Variants in CYB5A observed in about 807,000 individuals in gnomAD.
CYB5A encodes the protein cytochrome b5 type A, also known as cytochrome b5.
In CYB5A, 10 loss-of-function variants were observed where a neutral mutation model predicts 16.2. The observed-to-expected ratio is 0.62, with a 90% CI of 0.38 to 1.04. CYB5A has a LOEUF of 1.04. Among genes scored for constraint, CYB5A ranks in the 50% least tolerant of loss-of-function variants. The pLI is 0.01. For missense variants in CYB5A, 161 were observed against 165.9 expected (o/e 0.97, Z 0.16); for synonymous variants, 62 against 57.0 (o/e 1.09, Z -0.40).
intron 3 of CYB5A, chr18:74,259,985 C>CT (rs1462071910): frequency 6.6e-6 from 1 of 152,126 alleles, no homozygotes; most frequent in African/African-American, 2.4e-5. Context: ...TTACACAAGA[C>CT]TTTTATTGTA....
At chr18:74,280,229 C>T (rs945715788) in intron 1 of CYB5A, among the ~76,000 whole-genome samples, 1 of 152,140 alleles carries the variant, frequency 6.6e-6, no homozygotes, top group African/African-American at 2.4e-5. Flanking sequence ...ATTTCTACTA[C>T]ATCTAAGAAT....
rs776951726 is a variant in CYB5A, at chr18:74,253,677, C to CA, written c.324-13dup. 2.1e-5 allele frequency: 33 copies of CA among 1,596,604 alleles called. No individual in the cohort carries two copies. In the African/African-American group the frequency reaches 4.3e-4, roughly 21 times the overall value. ...AGTTGGTCCACCAACTAGAAAGACA[C>CA]AAAAAGCAATGATGCTGACATGATG... On this transcript the variant is annotated splice_polypyrimidine_tract_variant and intron_variant, in intron 4 of 4. Transcript: ENST00000340533.
chr18:74,267,929 G>A (rs2145055848), intron 1 of CYB5A, among the ~76,000 whole-genome samples: 1 of 152,292 alleles, frequency 6.6e-6, no homozygotes, highest in African/African-American at 2.4e-5. Context: ...GGATGTCGCG[G>A]GTCAGTAAGG....
intron 1 of CYB5A, among the ~76,000 whole-genome samples, chr18:74,263,873 C>T (rs1982317746): frequency 6.6e-6 from 1 of 152,114 alleles, no homozygotes; most frequent in African/African-American, 2.4e-5. Flanking sequence ...GACTGCACCA[C>T]TGCACTCCAG....
chr18:74,287,606 T>C (rs1298715023), intron 1 of CYB5A, among the ~76,000 whole-genome samples: 2 of 152,184 alleles, frequency 1.3e-5, no homozygotes, highest in Non-Finnish European at 2.9e-5. Flanking sequence ...TCCAAGACTA[T>C]CAGAATCCCA....
chr18:74,255,591 G>T, intron 4 of CYB5A, 150 bp downstream of exon 4: 1 of 662,502 alleles, frequency 1.5e-6, no homozygotes. Flanking sequence ...TTGAGGCTGA[G>T]TGCTCTGAAC....
rs1982296896 is a variant in CYB5A, at chr18:74,263,438, C to T, written c.169G>A (p.Gly57Ser). The T allele has an allele frequency of 5.0e-6, 8 of 1,614,114 alleles. No homozygotes were observed. In the East Asian group the frequency reaches 1.3e-4, roughly 27 times the overall value. Reference sequence around the variant, plus strand: ...TCCTCAAAGTTCTCAGTAGCGTCACCTCCAGCTTGTTCCCTTAAAACTTCT... The same window carrying T: ...TCCTCAAAGTTCTCAGTAGCGTCACTTCCAGCTTGTTCCCTTAAAACTTCT... ...GEEVLREQAG[G>S]DATENFEDVG... Residue 57 changes from glycine to serine, a missense_variant, in exon 2 of 5, where the codon GGT becomes AGT. Gly to Ser is a moderately conservative substitution (Grantham distance 56, BLOSUM62 0). Coordinates refer to ENST00000340533, the MANE Select transcript of CYB5A (RefSeq NM_148923.4).
rs1982014849 is a variant in CYB5A at position 74,257,080 on chromosome 18, C to A, written c.289-1305G>T. On this transcript the variant is annotated intron_variant, in intron 3 of 4. Coordinates refer to ENST00000340533, the MANE Select transcript of CYB5A (RefSeq NM_148923.4). ...TTAGAGGACACAATCAGTTCTGAAA[C>A]AAAAGAATCACTGAAGGTAAAATAT... The A allele has an allele frequency of 5.9e-6, 3 of 510,348 alleles. No homozygotes were observed. In the East Asian group the frequency reaches 9.3e-5, roughly 16 times the overall value. The allele number at this position is 510,348 out of a possible 1,614,324, so 31.6% of individuals were successfully genotyped here. A position where few individuals can be genotyped will look rare whatever the true frequency, so the allele number is the denominator to read the frequency against.
At chr18:74,256,015 T>C in intron 3 of CYB5A, 1 of 503,668 alleles carries the variant, frequency 2.0e-6, no homozygotes, top group Non-Finnish European at 3.6e-6. Context: ...TTAAAAACAT[T>C]CAAAATTAAT....
At position 74,253,573 on chromosome 18, in the gene CYB5A, T is replaced by G. The variant is rs1599242129; in HGVS notation, c.*11A>C. On this transcript the variant is annotated 3_prime_UTR_variant, in exon 5 of 5. Transcript: ENST00000340533. ...AGCAGGCTCTTCCTGCGCTGACTTC[T>G]GAGGAGGTGTTCAGTCCTCTGCCAT... 6.3e-7 allele frequency: 1 copy of G among 1,599,604 alleles called. No individual in the cohort carries two copies. The highest frequency in any genetic ancestry group is 1.1e-5 in the South Asian group (1 of 90,680).
intron 2 of CYB5A, chr18:74,261,151 T>C (rs749783813): frequency 1.9e-6 from 1 of 532,608 alleles, no homozygotes; most frequent in Non-Finnish European, 3.4e-6. Context: ...ATTTTCTATC[T>C]AGAGTTCCAA....
chr18:74,263,280 T>G (rs1370076593), intron 2 of CYB5A, 69 bp downstream of exon 2: 2 of 1,603,136 alleles, frequency 1.2e-6, no homozygotes, highest in African/African-American at 1.3e-5. Flanking sequence ...CATGCAAGCT[T>G]ACAGACTAGG....
At chr18:74,253,732 C>G in intron 4 of CYB5A, 67 bp from the exon 5 acceptor site, 1 of 1,065,774 alleles carries the variant, frequency 9.4e-7, no homozygotes, top group Non-Finnish European at 1.4e-6. Flanking sequence ...AATCTTTGCT[C>G]CTTCTAACAG....
intron 1 of CYB5A, among the ~76,000 whole-genome samples, chr18:74,286,573 C>T (rs1254629907): frequency 6.6e-6 from 1 of 152,142 alleles, no homozygotes; most frequent in African/African-American, 2.4e-5. Context: ...GAATAGTTCC[C>T]ACTTCAGAAC....
Position 74,253,521 on chromosome 18 carries a change from C to T in CYB5A, c.*63G>A. ...GGTTTCTGTCAGTTGAAGTAGTTAG[C>T]AATGGCTTCTTTTCTCCCGTGTCCA... On this transcript the variant is annotated 3_prime_UTR_variant, in exon 5 of 5. Coordinates refer to ENST00000340533, the MANE Select transcript of CYB5A (RefSeq NM_148923.4). 4.1e-6 allele frequency: 4 copies of T among 986,560 alleles called. No individual in the cohort carries two copies. In the South Asian group the frequency reaches 5.3e-5, roughly 13 times the overall value. The allele number at this position is 986,560 out of a possible 1,614,324, so 61.1% of individuals were successfully genotyped here.
chr18:74,257,300 A>C, intron 3 of CYB5A: 1 of 182,888 alleles, frequency 5.5e-6, no homozygotes, highest in Non-Finnish European at 1.1e-5. Context: ...CACCAGCATC[A>C]TCAGCAACAG....
intron 1 of CYB5A, among the ~76,000 whole-genome samples, chr18:74,276,528 G>GCGCA (rs74178973): frequency 4.8e-5 from 7 of 144,942 alleles, no homozygotes; most frequent in Non-Finnish European, 7.5e-5. Context: ...AAAAGATTCA[G>GCGCA]CACACACACA....
chr18:74,261,331 C>G (rs1196678837), intron 2 of CYB5A: 1 of 274,692 alleles, frequency 3.6e-6, no homozygotes, highest in African/African-American at 2.2e-5. Flanking sequence ...TGTATGATAT[C>G]TTCAGTTAAG....
Position 74,261,064 on chromosome 18 carries a change from C to A in CYB5A, c.259-120G>T, listed in dbSNP as rs1599248440. 11 of 794,452 alleles carry A rather than the reference C, an allele frequency of 1.4e-5. No individual in the cohort carries two copies. In the East Asian group the frequency reaches 2.9e-4, roughly 21 times the overall value. 49.2% of individuals were successfully genotyped at this position (794,452 alleles called of 1,614,324 possible). On this transcript the variant is annotated intron_variant, in intron 2 of 4. Transcript: ENST00000340533. Reference sequence around the variant, plus strand: ...TCAGTAATTACCATTTCAGATTCAACATTTAGCTATTAAACACAAAGTTTG... The same window carrying A: ...TCAGTAATTACCATTTCAGATTCAAAATTTAGCTATTAAACACAAAGTTTG...
Sources: gnomAD v4.1 joint callset for allele counts (sites outside exome capture counted in the v4.1 genomes callset) on GRCh38, gnomAD v4.1.1 for gene constraint, MANE v1.5 for transcripts, NCBI Gene and HGNC (gene_info 2026-07-23, HGNC 2026-07-21) for gene names.